Variants in MRAS observed in about 807,000 individuals in gnomAD.
MRAS encodes the protein muscle RAS oncogene homolog.
Under a neutral mutation model 20.9 loss-of-function variants are expected in MRAS, and 4 were observed. The observed-to-expected ratio is 0.19, with a 90% CI of 0.09 to 0.44. MRAS has a LOEUF of 0.44. MRAS is among the 20% of genes least tolerant of loss of function. MRAS has a pLI of 0.99. For synonymous variants in MRAS, 98 were observed against 102.9 expected, an observed-to-expected ratio of 0.95 and a Z score of 0.29; for missense variants, 154 against 277.5, an observed-to-expected ratio of 0.56 and a Z score of 3.16.
chr3:138,394,299 A>C (rs990133431), intron 2 of MRAS, among the ~76,000 whole-genome samples: 1 of 152,082 alleles, frequency 6.6e-6, no homozygotes, highest in African/African-American at 2.4e-5. Context: ...CATTTCCTAC[A>C]TGAGACTGAG....
chr3:138,374,514 T>C (rs1175257485), intron 2 of MRAS, among the ~76,000 whole-genome samples: 1 of 152,240 alleles, frequency 6.6e-6, no homozygotes, highest in Non-Finnish European at 1.5e-5. Flanking sequence ...TAGACCATAG[T>C]GACTGCAAGT....
At chr3:138,384,054 C>T (rs1479653928) in intron 2 of MRAS, among the ~76,000 whole-genome samples, 1 of 152,026 alleles carries the variant, frequency 6.6e-6, no homozygotes, top group African/African-American at 2.4e-5. Context: ...TGTGCCTGGC[C>T]TGTGTGGGGA....
Position 138,398,662 on chromosome 3 carries a change from C to T in MRAS, c.447+94C>T, listed in dbSNP as rs2055293003. 2.7e-6 allele frequency: 3 copies of T among 1,102,594 alleles called. No homozygotes were observed. In the East Asian group the frequency reaches 7.2e-5, roughly 26 times the overall value. The allele number at this position is 1,102,594 out of a possible 1,614,324, so 68.3% of individuals were successfully genotyped here. A position where few individuals can be genotyped will look rare whatever the true frequency, so the allele number is the denominator to read the frequency against. On this transcript the variant is annotated intron_variant, in intron 4 of 5. Coordinates refer to ENST00000423968, the MANE Select transcript of MRAS (RefSeq NM_001085049.3). ...GTCCTGGTCTTTGGAAATGAAACTA[C>T]TGTTTATTGAAGGGCTCCCCTTAGT...
At chr3:138,400,364 C>G (rs1250519821) in intron 4 of MRAS, 170 bp from the exon 5 acceptor site, 3 of 620,370 alleles carry the variant, frequency 4.8e-6, no homozygotes, top group East Asian at 2.7e-5. Context: ...ACTTTCCAAC[C>G]TGAAAGAGTG....
intron 2 of MRAS, among the ~76,000 whole-genome samples, chr3:138,388,873 C>T (rs542833173): frequency 2.6e-5 from 4 of 152,124 alleles, no homozygotes; most frequent in East Asian, 3.9e-4. Context: ...CAGAGTTTCA[C>T]TCTCGTTGCC....
intron 2 of MRAS, among the ~76,000 whole-genome samples, chr3:138,380,249 C>T (rs553602775): frequency 6.6e-6 from 1 of 151,868 alleles, no homozygotes; most frequent in South Asian, 2.1e-4. Context: ...GTTATTAATC[C>T]CTTGCCCCTT....
intron 4 of MRAS, 134 bp from the exon 5 acceptor site, chr3:138,400,400 T>C (rs1193940178): frequency 1.4e-6 from 1 of 734,036 alleles, no homozygotes; most frequent in Non-Finnish European, 2.4e-6. Context: ...TGCTTGAGGC[T>C]ATTGGGGGCT....
intron 2 of MRAS, among the ~76,000 whole-genome samples, chr3:138,382,061 G>A (rs905650908): frequency 1.3e-5 from 2 of 152,204 alleles, no homozygotes; most frequent in African/African-American, 2.4e-5. Flanking sequence ...CACCCACCAA[G>A]GGGAAGCTGC....
chr3:138,389,985 C>T (rs1016297841), intron 2 of MRAS, among the ~76,000 whole-genome samples: 2 of 150,286 alleles, frequency 1.3e-5, no homozygotes, highest in Non-Finnish European at 3.0e-5. Context: ...TAATCCCAGG[C>T]GTGGGCAGTT....
intron 2 of MRAS, among the ~76,000 whole-genome samples, chr3:138,373,893 ATTTATTTATTTG>A (rs1019208154): frequency 2.0e-5 from 3 of 150,280 alleles, no homozygotes; most frequent in Non-Finnish European, 4.4e-5. Flanking sequence ...TTATTTATTT[ATTTATTTATTTG>A]TTTATTTGGG....
chr3:138,404,002 T>C lies in MRAS; in HGVS notation c.*1733T>C, dbSNP rs1305605994. 6.6e-6 allele frequency: 1 copy of C among 152,230 alleles called. No individual in the cohort carries two copies. The highest frequency in any genetic ancestry group is 1.5e-5 in the Non-Finnish European group (1 of 68,044). The allele number at this position is 152,230 out of a possible 1,614,324, so 9.4% of individuals were successfully genotyped here. A position where few individuals can be genotyped will look rare whatever the true frequency, so the allele number is the denominator to read the frequency against. On this transcript the variant is annotated 3_prime_UTR_variant, in exon 6 of 6. Coordinates refer to ENST00000423968, the MANE Select transcript of MRAS (RefSeq NM_001085049.3). The stretch of plus-strand genomic sequence containing the variant: ...GGAGACAGTTGAGACTTTTGCTTGT[T>C]GGAAATCAAACTTCTTATTTGTCTA...
chr3:138,373,764 T>C (rs1406187041), intron 2 of MRAS, among the ~76,000 whole-genome samples: 3 of 152,214 alleles, frequency 2.0e-5, no homozygotes, highest in Non-Finnish European at 4.4e-5. Flanking sequence ...TCAGTTAAAT[T>C]CTAAAATTCT....
At chr3:138,350,604 T>G (rs2054207589) in intron 1 of MRAS, among the ~76,000 whole-genome samples, 1 of 152,196 alleles carries the variant, frequency 6.6e-6, no homozygotes, top group Admixed American at 6.5e-5. Context: ...CGTTGTCAGC[T>G]TCGCTCCTCC....
At chr3:138,349,686 C>T (rs2054188119) in intron 1 of MRAS, 1 of 152,464 alleles carries the variant, frequency 6.6e-6, no homozygotes, top group Non-Finnish European at 1.5e-5. Context: ...TCCTCTAGGA[C>T]TCACTCTGTC....
chr3:138,347,844 C>G (rs1366847685), upstream of MRAS: 1 of 152,362 alleles, frequency 6.6e-6, no homozygotes, highest in African/African-American at 2.4e-5. Flanking sequence ...TCACCCGCCT[C>G]GGCCTCCCAA....
chr3:138,367,616 T>C (rs2054586993), intron 1 of MRAS, among the ~76,000 whole-genome samples: 1 of 152,206 alleles, frequency 6.6e-6, no homozygotes, highest in African/African-American at 2.4e-5. Context: ...GACCCCCTGC[T>C]TCTTAGCACA....
chr3:138,387,076 C>A (rs1411189383), intron 2 of MRAS, among the ~76,000 whole-genome samples: 7 of 152,156 alleles, frequency 4.6e-5, no homozygotes, highest in African/African-American at 1.7e-4. Flanking sequence ...CCTGGTAGAT[C>A]CCTGTTTCAA....
In MRAS at chr3:138,372,967, C is replaced by T. The variant is rs760022997; in HGVS notation, c.84C>T (p.Ala28=). ...GGGATGGGGGTGTGGGCAAAAGTGC[C>T]CTCACCATCCAGTTTTTCCAGAAGA... The part of the protein sequence containing the change: ...VVGDGGVGKS[A]LTIQFFQKIF... Residue 28 remains alanine, a synonymous_variant, in exon 2 of 6, where the codon GCC becomes GCT. Coordinates refer to ENST00000423968, the MANE Select transcript of MRAS (RefSeq NM_001085049.3). 1.3e-6 allele frequency: 2 copies of T among 1,572,460 alleles called. No individual in the cohort carries two copies. Among genetic ancestry groups the T allele is most frequent in the Non-Finnish European group, 1.7e-6 (2 of 1,161,976 alleles).
At chr3:138,395,438 C>T (rs150818316) in intron 2 of MRAS, among the ~76,000 whole-genome samples, 65 of 152,248 alleles carry the variant, frequency 4.3e-4, no homozygotes, top group African/African-American at 1.3e-3. Flanking sequence ...CTGCCCCCAC[C>T]TCCTCTCCAT....
Sources: gnomAD v4.1 joint callset for allele counts (sites outside exome capture counted in the v4.1 genomes callset) on GRCh38, gnomAD v4.1.1 for gene constraint, MANE v1.5 for transcripts, NCBI Gene and HGNC (gene_info 2026-07-23, HGNC 2026-07-21) for gene names.